The following SMC5 variants were observed in gnomAD, a reference collection of about 807,000 sequenced individuals.
The protein encoded by SMC5 is structural maintenance of chromosomes 5.
In SMC5, 88 loss-of-function variants were observed where a neutral mutation model predicts 148.3. That is an observed-to-expected ratio of 0.59 (90% CI 0.50 to 0.71). The LOEUF (loss-of-function observed/expected upper bound fraction) is 0.71, where lower values mean the gene tolerates loss of function less well. SMC5 is among the 30% of genes least tolerant of loss of function. The probability of loss-of-function intolerance (pLI) is 0.00; values close to 1 mark genes in which losing one functional copy is unlikely to be tolerated. For missense variants in SMC5, 1,142 were observed against 1,298.9 expected, an observed-to-expected ratio of 0.88 and a Z score of 1.86; for synonymous variants, 421 against 432.8, an observed-to-expected ratio of 0.97 and a Z score of 0.34.
At chr9:70,287,785 T>A (rs1370123646) in intron 8 of SMC5, among the ~76,000 whole-genome samples, 1 of 152,226 alleles carries the variant, frequency 6.6e-6, no homozygotes. Flanking sequence ...TTGCATTCTA[T>A]GTGATGTTGT....
At position 70,300,955 on chromosome 9, in the gene SMC5, A is replaced by G. The variant is rs146390962; in HGVS notation, c.1464+755A>G. On this transcript the variant is annotated intron_variant, in intron 10 of 24. Transcript: ENST00000361138. ...GACATCCTTTCAGGATTCGTGAAAA[A>G]TTCTATTCTCTGTAACTCATGTTTG... Among the ~76,000 whole-genome samples the G allele has an allele frequency of 6.9e-3, 1,047 of 152,230 alleles. 7 individuals carry two copies. The highest frequency in any genetic ancestry group is 9.5e-3 in the Non-Finnish European group (643 of 67,976).
intron 17 of SMC5, among the ~76,000 whole-genome samples, chr9:70,328,823 C>G (rs1464187789): frequency 1.3e-5 from 2 of 152,238 alleles, no homozygotes; most frequent in Non-Finnish European, 2.9e-5. Context: ...GCCCCTGCAG[C>G]AGACTTCTGC....
rs142855224 is a variant in SMC5 at position 70,295,764 on chromosome 9, C to A, written c.1054-2202C>A. Among the ~76,000 whole-genome samples the A allele has an allele frequency of 2.2e-4, 33 of 152,254 alleles. No homozygotes were observed. In the East Asian group the frequency reaches 6.4e-3, roughly 29 times the overall value. ...AGACAAAGACCTTCTCTTGGTACAA[C>A]TTTATATGGTAGGCCAGTGATTTTC... On this transcript the variant is annotated intron_variant, in intron 8 of 24. Coordinates refer to ENST00000361138, the MANE Select transcript of SMC5 (RefSeq NM_015110.4).
At chr9:70,292,978 T>G (rs1337685819) in intron 8 of SMC5, among the ~76,000 whole-genome samples, 1 of 152,128 alleles carries the variant, frequency 6.6e-6, no homozygotes, top group African/African-American at 2.4e-5. Context: ...TCTGCCTAGT[T>G]TTGGTATTAG....
intron 2 of SMC5, 105 bp downstream of exon 2, chr9:70,264,550 G>A: frequency 1.9e-6 from 2 of 1,075,294 alleles, no homozygotes; most frequent in South Asian, 1.8e-5. Context: ...ACTTAATAGT[G>A]CATGAATACA....
chr9:70,276,590 A>C (rs2034598677), intron 3 of SMC5, among the ~76,000 whole-genome samples: 1 of 152,180 alleles, frequency 6.6e-6, no homozygotes, highest in South Asian at 2.1e-4. Flanking sequence ...TTATATATAC[A>C]ACATTCATAA....
At chr9:70,304,071 A>G (rs958906514) in intron 10 of SMC5, among the ~76,000 whole-genome samples, 1 of 152,046 alleles carries the variant, frequency 6.6e-6, no homozygotes, top group African/African-American at 2.4e-5. Flanking sequence ...CACTTGCAGA[A>G]TTGTCTAATT....
intron 16 of SMC5, 61 bp from the exon 17 acceptor site, chr9:70,323,959 CA>C: frequency 2.2e-6 from 3 of 1,361,136 alleles, no homozygotes; most frequent in Non-Finnish European, 2.9e-6. Context: ...AAAAACTATA[CA>C]TTTTTTAGTT....
rs771417726 is a variant in SMC5 at position 70,350,138 on chromosome 9, C to G, written c.2914C>G (p.Arg972Gly). The G allele has an allele frequency of 1.9e-6, 3 of 1,605,752 alleles. No homozygotes were observed. In the South Asian group the frequency reaches 3.4e-5, roughly 18 times the overall value. The change falls in exon 23 of 25, where the codon CGA becomes GGA. Residue 972 changes from arginine to glycine, a missense_variant. Arg to Gly is a moderately radical substitution (Grantham distance 125). Coordinates refer to ENST00000361138, the MANE Select transcript of SMC5 (RefSeq NM_015110.4). Reference sequence around the variant, plus strand: ...GGAAGATTATGATAAATATGGAATTCGAATTAGAGTCAAATTTCGAAGTAG... The same window carrying G: ...GGAAGATTATGATAAATATGGAATTGGAATTAGAGTCAAATTTCGAAGTAG... ...NEEDYDKYGIRIRVKFRSSTQ... is the reference protein window; with the variant it reads ...NEEDYDKYGIGIRVKFRSSTQ...
chr9:70,315,421 A>G, intron 12 of SMC5, 25 bp from the exon 13 acceptor site: 3 of 1,495,408 alleles, frequency 2.0e-6, no homozygotes, highest in Non-Finnish European at 1.8e-6. Flanking sequence ...AAGAAGAAAA[A>G]TCTAATCAAT....
chr9:70,260,282 A>G (rs538276534), intron 1 of SMC5, among the ~76,000 whole-genome samples: 284 of 151,662 alleles, frequency 1.9e-3, no homozygotes, highest in African/African-American at 6.6e-3. Context: ...TTTTTTTTGT[A>G]TTTTAGTAGA....
intron 9 of SMC5, among the ~76,000 whole-genome samples, 169 bp downstream of exon 9, chr9:70,298,390 G>A (rs2035264924): frequency 6.6e-6 from 1 of 152,088 alleles, no homozygotes; most frequent in East Asian, 1.9e-4. Flanking sequence ...TATCTGTCGT[G>A]TACTGTAATT....
chr9:70,323,438 C>T, intron 15 of SMC5, 45 bp from the exon 16 acceptor site: 1 of 1,520,936 alleles, frequency 6.6e-7, no homozygotes, highest in East Asian at 2.4e-5. Flanking sequence ...GGGATCAATT[C>T]TTATGTTTAA....
At chr9:70,306,570 C>T (rs1455906278) in intron 11 of SMC5, among the ~76,000 whole-genome samples, 1 of 152,158 alleles carries the variant, frequency 6.6e-6, no homozygotes, top group Non-Finnish European at 1.5e-5. Context: ...TTGGGTTGCA[C>T]GTCTTTTAAG....
chr9:70,277,117 T>C (rs1323948364), intron 3 of SMC5, among the ~76,000 whole-genome samples, 193 bp from the exon 4 acceptor site: 3 of 152,194 alleles, frequency 2.0e-5, no homozygotes, highest in Admixed American at 6.5e-5. Context: ...AAGTAACTGA[T>C]GTGGTCAATT....
chr9:70,320,317 G>A (rs2035911126), intron 15 of SMC5, among the ~76,000 whole-genome samples: 1 of 152,168 alleles, frequency 6.6e-6, no homozygotes, highest in African/African-American at 2.4e-5. Flanking sequence ...CCAACACTTT[G>A]TGAGGCCAAG....
chr9:70,320,126 A>G (rs748492111), intron 15 of SMC5, among the ~76,000 whole-genome samples: 9 of 152,184 alleles, frequency 5.9e-5, no homozygotes, highest in Non-Finnish European at 1.2e-4. Flanking sequence ...GTCTAGTATA[A>G]CTCCAAACTT....
intron 10 of SMC5, among the ~76,000 whole-genome samples, chr9:70,305,004 TAGATA>T (rs2118467925): frequency 6.6e-6 from 1 of 152,328 alleles, no homozygotes; most frequent in South Asian, 2.1e-4. Flanking sequence ...AGTTATTTCT[TAGATA>T]GTATCAAAAT....
At chr9:70,275,467 C>G (rs748656091) in intron 3 of SMC5, among the ~76,000 whole-genome samples, 18 of 152,314 alleles carry the variant, frequency 1.2e-4, no homozygotes, top group Non-Finnish European at 2.5e-4. Context: ...TTCCAAAATA[C>G]TGAGATTACA....
Sources: gnomAD v4.1 joint callset for allele counts (sites outside exome capture counted in the v4.1 genomes callset) on GRCh38, gnomAD v4.1.1 for gene constraint, MANE v1.5 for transcripts, NCBI Gene and HGNC (gene_info 2026-07-23, HGNC 2026-07-21) for gene names.